Variants in BRMS1L observed in about 807,000 individuals in gnomAD.
BRMS1L encodes breast cancer metastasis-suppressor 1-like protein.
Under a neutral mutation model 50.3 loss-of-function variants are expected in BRMS1L, and 23 were observed. The observed-to-expected ratio is 0.46, with a 90% CI of 0.33 to 0.65. BRMS1L has a LOEUF of 0.65. BRMS1L is among the 30% of genes least tolerant of loss of function. The pLI is 0.02. For synonymous variants in BRMS1L, 114 were observed against 126.9 expected (o/e 0.90, Z 0.69); for missense variants, 286 against 386.1 (o/e 0.74, Z 2.17).
chr14:35,850,985 T>C (rs1296279888), intron 4 of BRMS1L, among the ~76,000 whole-genome samples: 1 of 152,254 alleles, frequency 6.6e-6, no homozygotes, highest in Admixed American at 6.5e-5. Context: ...CTTGTATCTT[T>C]TGTTTCCTTC....
intron 4 of BRMS1L, among the ~76,000 whole-genome samples, chr14:35,847,801 G>C (rs1217148321): frequency 6.6e-6 from 1 of 152,210 alleles, no homozygotes; most frequent in African/African-American, 2.4e-5. Context: ...CCTCACACAA[G>C]TGGTATCATC....
chr14:35,829,866 T>C, intron 1 of BRMS1L: 1 of 1,237,358 alleles, frequency 8.1e-7, no homozygotes, highest in Non-Finnish European at 1.0e-6. Context: ...AATGAATATA[T>C]GTGATATGAA....
At position 35,870,539 on chromosome 14, in the gene BRMS1L, A is replaced by G. The variant is rs1347889990; in HGVS notation, c.*62A>G. 8 of 1,008,038 alleles carry G rather than the reference A, an allele frequency of 7.9e-6. No individual in the cohort carries two copies. Among genetic ancestry groups the G allele is most frequent in the Non-Finnish European group, 1.2e-5 (8 of 663,476 alleles). 62.4% of individuals were successfully genotyped at this position (1,008,038 alleles called of 1,614,324 possible). A position where few individuals can be genotyped will look rare whatever the true frequency, so the allele number is the denominator to read the frequency against. Reference sequence around the variant, plus strand: ...TGTTACCAAATGTAAGTGCCATGAGAGTAAAAAAATGTATTCAATAACTTA... The same window carrying G: ...TGTTACCAAATGTAAGTGCCATGAGGGTAAAAAAATGTATTCAATAACTTA... On this transcript the variant is annotated 3_prime_UTR_variant, in exon 10 of 10. Transcript: ENST00000216807.
At chr14:35,851,613 C>T (rs759407003) in intron 4 of BRMS1L, among the ~76,000 whole-genome samples, 1 of 152,032 alleles carries the variant, frequency 6.6e-6, no homozygotes, top group Non-Finnish European at 1.5e-5. Context: ...TTTAAGCATA[C>T]AAGTGTTTTT....
chr14:35,865,685 ACTT>A, intron 7 of BRMS1L, 34 bp from the exon 8 acceptor site: 1 of 1,508,058 alleles, frequency 6.6e-7, no homozygotes, highest in Non-Finnish European at 9.0e-7. Flanking sequence ...CTGAACTCAG[ACTT>A]CTTTCTTCCT....
At position 35,831,417 on chromosome 14, in the gene BRMS1L, T is replaced by C; in HGVS notation, c.150T>C (p.Asp50=). 2 of 1,611,808 alleles carry C rather than the reference T, an allele frequency of 1.2e-6. No homozygotes were observed. Among genetic ancestry groups the C allele is most frequent in the South Asian group, 1.1e-5 (1 of 90,934 alleles). The part of the protein sequence containing the change: ...VSEDGDSSEM[D]DEDCERRRME... ...TTGCCTTTTTATTAACAGAAATGGA[T>C]GATGAAGACTGTGAAAGAAGAAGAA... Residue 50 remains aspartate (D), a synonymous_variant, in exon 2 of 10, where the codon GAT becomes GAC. Transcript: ENST00000216807.
At chr14:35,841,084 A>G (rs1415073918) in intron 4 of BRMS1L, among the ~76,000 whole-genome samples, 2 of 152,034 alleles carry the variant, frequency 1.3e-5, no homozygotes, top group African/African-American at 4.8e-5. Context: ...TAACTTATTT[A>G]TTTCTGCCTT....
At chr14:35,842,172 T>A (rs1595665188) in intron 4 of BRMS1L, among the ~76,000 whole-genome samples, 1 of 152,318 alleles carries the variant, frequency 6.6e-6, no homozygotes, top group Admixed American at 6.5e-5. Context: ...TTTAGCCCGT[T>A]TACATTTAAG....
intron 4 of BRMS1L, among the ~76,000 whole-genome samples, chr14:35,855,855 A>G (rs1447226973): frequency 6.6e-6 from 1 of 152,146 alleles, no homozygotes; most frequent in Non-Finnish European, 1.5e-5. Flanking sequence ...TGGAATAGGA[A>G]TTATCTTGAT....
At chr14:35,868,322 G>A (rs2078446984) in intron 9 of BRMS1L, among the ~76,000 whole-genome samples, 1 of 152,168 alleles carries the variant, frequency 6.6e-6, no homozygotes, top group Non-Finnish European at 1.5e-5. Context: ...GAATCGTTAG[G>A]ATCGTGCTAT....
chr14:35,826,425 C>T lies in BRMS1L; in HGVS notation c.-92C>T, dbSNP rs771175832. The T allele has an allele frequency of 2.1e-5, 32 of 1,530,530 alleles. No homozygotes were observed. Among genetic ancestry groups the T allele is most frequent in the Non-Finnish European group, 2.5e-5 (29 of 1,137,356 alleles). The allele number at this position is 1,530,530 out of a possible 1,614,324, so 94.8% of individuals were successfully genotyped here. A position where few individuals can be genotyped will look rare whatever the true frequency, so the allele number is the denominator to read the frequency against. ...CCAAGGGGGCGAGCAAGCTCGGTGG[C>T]TGGGTGGGTTGGGGCGTTCCGCGCG... On this transcript the variant is annotated 5_prime_UTR_variant, in exon 1 of 10. Transcript: ENST00000216807.
intron 4 of BRMS1L, among the ~76,000 whole-genome samples, chr14:35,857,363 T>G (rs2078295502): frequency 6.6e-6 from 1 of 151,862 alleles, no homozygotes; most frequent in Non-Finnish European, 1.5e-5. Context: ...AGGCATAGCC[T>G]TATAATTTAT....
Position 35,852,166 on chromosome 14 carries a change from A to T in BRMS1L, c.442-10424A>T, listed in dbSNP as rs555146493. 3.3e-5 allele frequency among the ~76,000 whole-genome samples: 5 copies of T among 152,338 alleles called. No individual in the cohort carries two copies. The South Asian group carries it at 1.0e-3, about 32-fold the overall frequency. On this transcript the variant is annotated intron_variant, in intron 4 of 9. Transcript: ENST00000216807. ...TTTTTCTATTTCTGTAAAAAATGCC[A>T]CTGTCACGACAGAACATGAACCAGA...
intron 4 of BRMS1L, among the ~76,000 whole-genome samples, chr14:35,856,642 T>C (rs1035653995): frequency 1.3e-5 from 2 of 152,014 alleles, no homozygotes. Flanking sequence ...GACAGAGTCT[T>C]GTTCTGTCAC....
At chr14:35,834,007 G>T (rs539510406) in intron 3 of BRMS1L, among the ~76,000 whole-genome samples, 1 of 152,264 alleles carries the variant, frequency 6.6e-6, no homozygotes, top group South Asian at 2.1e-4. Context: ...TTACATGGAT[G>T]ATCAGGAAAT....
At position 35,863,901 on chromosome 14, in the gene BRMS1L, A is replaced by C; in HGVS notation, c.570A>C (p.Lys190Asn). The C allele has an allele frequency of 6.2e-7, 1 of 1,614,044 alleles. No homozygotes were observed. The highest frequency in any genetic ancestry group is 8.5e-7 in the Non-Finnish European group (1 of 1,179,970). ...GGAATGATGAGCTTCAGTCAAGAAA[A>C]AAGAGGAAGGATCCTTTCAGTCCTG... ...ELWNDELQSR[K>N]KRKDPFSPDK... The change falls in exon 6 of 10, where the codon AAA (lysine) becomes AAC (asparagine). Residue 190 changes from lysine to asparagine, a missense_variant. By Grantham distance (94) the Lys-to-Asn change is moderately conservative (BLOSUM62 0). Around this residue, in one of 5 missense-constraint regions of BRMS1L, gnomAD observed 160 missense variants for 240.6 expected, o/e 0.66. Transcript: ENST00000216807.
intron 4 of BRMS1L, 61 bp from the exon 5 acceptor site, chr14:35,862,529 C>T (rs566783370): frequency 7.4e-6 from 8 of 1,083,392 alleles, no homozygotes; most frequent in South Asian, 2.0e-5. Context: ...ATTTGGTACT[C>T]TTAGTTAAGA....
chr14:35,854,377 C>CTA (rs1192148376), intron 4 of BRMS1L, among the ~76,000 whole-genome samples: 1 of 152,114 alleles, frequency 6.6e-6, no homozygotes, highest in African/African-American at 2.4e-5. Context: ...TCTTACTTTC[C>CTA]ACAGTCTGTG....
chr14:35,839,940 C>T (rs574412216), intron 4 of BRMS1L, among the ~76,000 whole-genome samples: 6 of 152,150 alleles, frequency 3.9e-5, no homozygotes, highest in Admixed American at 2.0e-4. Context: ...ACATCCTTGT[C>T]TTGTGCCGGT....
Sources: allele counts gnomAD v4.1 joint callset (sites outside exome capture counted in the v4.1 genomes callset), GRCh38; gene constraint gnomAD v4.1.1; regional missense constraint gnomAD v4.1.1; transcripts MANE v1.5; gene names NCBI Gene and HGNC (gene_info 2026-07-23, HGNC 2026-07-21).